Variants in SSPN observed in about 807,000 individuals in gnomAD.
The protein encoded by SSPN is sarcospan, also known as K-ras oncogene-associated protein.
SSPN carries 15 observed loss-of-function variants against 19.1 expected under a neutral mutation model. That is an observed-to-expected ratio of 0.78 (90% CI 0.52 to 1.21). The LOEUF is 1.21. Among genes scored for constraint, SSPN ranks in the 50% most tolerant of loss-of-function variants. The pLI, the probability that SSPN is intolerant of heterozygous loss-of-function variation, is 0.00. For missense variants in SSPN, 291 were observed against 314.0 expected, an observed-to-expected ratio of 0.93 and a Z score of 0.55; for synonymous variants, 147 against 140.3, an observed-to-expected ratio of 1.05 and a Z score of -0.34.
At chr12:26,135,743 A>AAT (rs1944421403) in intron 1 of SSPN, among the ~76,000 whole-genome samples, 2 of 152,306 alleles carry the variant, frequency 1.3e-5, no homozygotes, top group Admixed American at 6.5e-5. Flanking sequence ...ACGTTTGCCA[A>AAT]ATATAGCCCC....
chr12:26,152,515 T>C (rs73082972), intron 1 of SSPN, among the ~76,000 whole-genome samples: 15,086 of 152,224 alleles, frequency 0.099, 925 homozygotes, highest in South Asian at 0.17. Context: ...AAAACCATAG[T>C]AATTATAAAT....
At chr12:26,227,836 G>A (rs562243659) in intron 2 of SSPN, among the ~76,000 whole-genome samples, 3 of 152,302 alleles carry the variant, frequency 2.0e-5, no homozygotes, top group Admixed American at 6.5e-5. Flanking sequence ...GGCTAGTGAG[G>A]GGAGAACCTG....
chr12:26,124,291 T>C, intron 1 of SSPN: 1 of 557,580 alleles, frequency 1.8e-6, no homozygotes, highest in Non-Finnish European at 3.0e-6. Flanking sequence ...TACTATGTGA[T>C]AAACTACACC....
chr12:26,189,041 T>A (rs1565681897), intron 1 of SSPN, among the ~76,000 whole-genome samples: 1 of 152,184 alleles, frequency 6.6e-6, no homozygotes, highest in African/African-American at 2.4e-5. Flanking sequence ...TTGTTTTTTT[T>A]AATGTAACCT....
At chr12:26,146,233 G>A (rs757600974) in intron 1 of SSPN, among the ~76,000 whole-genome samples, 6 of 152,112 alleles carry the variant, frequency 3.9e-5, no homozygotes, top group Non-Finnish European at 5.9e-5. Flanking sequence ...GCAACCTGCC[G>A]AGGCAGATGG....
In SSPN at chr12:26,232,305, T is replaced by C; in HGVS notation, c.*1229T>C. 1.0e-6 allele frequency: 1 copy of C among 985,432 alleles called. No individual in the cohort carries two copies. Among genetic ancestry groups the C allele is most frequent in the African/African-American group, 1.7e-5 (1 of 57,372 alleles). The allele number at this position is 985,432 out of a possible 1,614,324, so 61.0% of individuals were successfully genotyped here. ...GCCTTGACTTGGAGGGTAGTTTTAG[T>C]TGTTTTGTTTTTAAGTGACTGTGGT... On this transcript the variant is annotated 3_prime_UTR_variant, in exon 3 of 3. Coordinates refer to ENST00000242729, the MANE Select transcript of SSPN (RefSeq NM_005086.5).
At chr12:26,122,875 G>A in intron 1 of SSPN, 1 of 1,557,442 alleles carries the variant, frequency 6.4e-7, no homozygotes, top group Non-Finnish European at 8.7e-7. Flanking sequence ...CAGTAGGCGA[G>A]GGGCTCCAGC....
intron 1 of SSPN, chr12:26,122,379 G>A: frequency 8.3e-7 from 1 of 1,199,528 alleles, no homozygotes; most frequent in Non-Finnish European, 1.0e-6. Flanking sequence ...GGCAGCCGCC[G>A]CCGGGTACAG....
chr12:26,187,518 T>C (rs563171297), intron 1 of SSPN, among the ~76,000 whole-genome samples: 1 of 152,364 alleles, frequency 6.6e-6, no homozygotes, highest in East Asian at 1.9e-4. Flanking sequence ...GTGAATTTCC[T>C]ACTTATTTTG....
At chr12:26,193,672 C>T (rs1194986258), upstream of SSPN, among the ~76,000 whole-genome samples, 1 of 152,198 alleles carries the variant, frequency 6.6e-6, no homozygotes, top group Non-Finnish European at 1.5e-5. Flanking sequence ...ATAGAAAGCC[C>T]TTGTGGTGTG....
At chr12:26,124,254 C>CCCCA in intron 1 of SSPN, 2 of 496,966 alleles carry the variant, frequency 4.0e-6, no homozygotes, top group Admixed American at 2.7e-5. Flanking sequence ...CCCTCGTCTG[C>CCCCA]CCCCCCCGCC....
intron 1 of SSPN, among the ~76,000 whole-genome samples, chr12:26,154,087 C>T (rs537516862): frequency 1.3e-5 from 2 of 152,306 alleles, no homozygotes; most frequent in African/African-American, 4.8e-5. Context: ...GCAAAAAAAC[C>T]TATGGCAAAA....
chr12:26,133,026 A>G (rs1264313051), intron 1 of SSPN, among the ~76,000 whole-genome samples: 1 of 152,224 alleles, frequency 6.6e-6, no homozygotes, highest in Non-Finnish European at 1.5e-5. Flanking sequence ...GAAGGCTGGA[A>G]TGGTTTCATA....
chr12:26,137,654 A>ATTTTTTTTT (rs1269817874), intron 1 of SSPN, among the ~76,000 whole-genome samples: 1 of 55,036 alleles, frequency 1.8e-5, no homozygotes, highest in African/African-American at 9.2e-5. Context: ...ATATATATAT[A>ATTTTTTTTT]TATTTTTTTT....
intron 2 of SSPN, 100 bp downstream of exon 2, chr12:26,224,479 C>G: frequency 9.6e-7 from 1 of 1,037,442 alleles, no homozygotes; most frequent in Non-Finnish European, 1.5e-6. Flanking sequence ...TCTGATTAGT[C>G]TAGAAATTGC....
At chr12:26,189,231 G>C (rs947332056) in intron 1 of SSPN, among the ~76,000 whole-genome samples, 1 of 152,098 alleles carries the variant, frequency 6.6e-6, no homozygotes, top group Non-Finnish European at 1.5e-5. Flanking sequence ...TAAAGGAATT[G>C]TTCAGAAAAT....
intron 1 of SSPN, among the ~76,000 whole-genome samples, chr12:26,128,220 G>T (rs1314051191): frequency 1.3e-5 from 2 of 152,300 alleles, no homozygotes; most frequent in East Asian, 3.9e-4. Flanking sequence ...GTATAAGTGT[G>T]CACATTTGTG....
chr12:26,217,996 T>C (rs1945074426), intron 1 of SSPN, among the ~76,000 whole-genome samples: 1 of 151,890 alleles, frequency 6.6e-6, no homozygotes, highest in Non-Finnish European at 1.5e-5. Context: ...TAAATCATGC[T>C]GCTATAAAGA....
At chr12:26,191,776 A>T (rs552026636), upstream of SSPN, among the ~76,000 whole-genome samples, 1 of 152,098 alleles carries the variant, frequency 6.6e-6, no homozygotes, top group Non-Finnish European at 1.5e-5. Flanking sequence ...GGCGGCCAGC[A>T]AGGCATATGG....
Sources: gnomAD v4.1 joint callset for allele counts (sites outside exome capture counted in the v4.1 genomes callset) on GRCh38, gnomAD v4.1.1 for gene constraint, MANE v1.5 for transcripts, NCBI Gene and HGNC (gene_info 2026-07-23, HGNC 2026-07-21) for gene names.